The following SMYD3 variants were observed in gnomAD, a reference collection of about 807,000 sequenced individuals.
SMYD3 encodes the protein histone-lysine N-methyltransferase SMYD3.
In SMYD3, 36 loss-of-function variants were observed where a neutral mutation model predicts 57.7. The observed-to-expected ratio is 0.62, with a 90% CI of 0.48 to 0.82. The LOEUF (loss-of-function observed/expected upper bound fraction) is 0.82, where lower values mean the gene tolerates loss of function less well. Among genes scored for constraint, SMYD3 ranks in the 40% least tolerant of loss-of-function variants. The pLI, the probability that SMYD3 is intolerant of heterozygous loss-of-function variation, is 0.00. For missense variants in SMYD3, 515 were observed against 538.8 expected (o/e 0.96, Z 0.44); for synonymous variants, 211 against 195.0 (o/e 1.08, Z -0.68).
chr1:246,340,053 A>G (rs1393349447), intron 2 of SMYD3, among the ~76,000 whole-genome samples: 1 of 152,110 alleles, frequency 6.6e-6, no homozygotes, highest in Non-Finnish European at 1.5e-5. Context: ...AAAGTTGAAA[A>G]ACCACTGAGT....
chr1:245,830,893 A>AG (rs2049797740), intron 10 of SMYD3, among the ~76,000 whole-genome samples: 1 of 152,106 alleles, frequency 6.6e-6, no homozygotes, highest in Non-Finnish European at 1.5e-5. Flanking sequence ...GTTGAGTTTT[A>AG]GAATTGGCAT....
chr1:246,413,973 T>C (rs2067018073), intron 1 of SMYD3, among the ~76,000 whole-genome samples: 1 of 152,166 alleles, frequency 6.6e-6, no homozygotes, highest in African/African-American at 2.4e-5. Context: ...AAATATCTTC[T>C]TTTGATGGGC....
intron 10 of SMYD3, among the ~76,000 whole-genome samples, chr1:245,800,277 C>T (rs140238034): frequency 2.0e-5 from 3 of 152,282 alleles, no homozygotes; most frequent in Non-Finnish European, 4.4e-5. Flanking sequence ...TACCTAAAAG[C>T]AGGTCCTTCC....
intron 10 of SMYD3, among the ~76,000 whole-genome samples, chr1:245,775,541 C>T (rs982698962): frequency 2.7e-5 from 4 of 150,374 alleles, no homozygotes; most frequent in Non-Finnish European, 5.9e-5. Context: ...ATCACCACTC[C>T]CTAATCTCAA....
intron 10 of SMYD3, among the ~76,000 whole-genome samples, chr1:245,770,190 G>C (rs967372691): frequency 2.6e-5 from 4 of 152,228 alleles, no homozygotes; most frequent in Admixed American, 6.5e-5. Flanking sequence ...GAGGCAGCAA[G>C]ATCTTGAAAA....
chr1:246,082,965 G>T (rs1234356702), intron 5 of SMYD3, among the ~76,000 whole-genome samples: 1 of 146,246 alleles, frequency 6.8e-6, no homozygotes, highest in Non-Finnish European at 1.5e-5. Context: ...AGTACCCAGG[G>T]GCACAAACAC....
chr1:246,371,820 A>C (rs879647329), intron 1 of SMYD3, among the ~76,000 whole-genome samples: 17 of 152,214 alleles, frequency 1.1e-4, no homozygotes, highest in Non-Finnish European at 1.8e-4. Context: ...TGGGAAAATC[A>C]AAAGCTAAAT....
intron 5 of SMYD3, among the ~76,000 whole-genome samples, chr1:246,074,633 T>C (rs904397910): frequency 1.3e-5 from 2 of 152,216 alleles, no homozygotes; most frequent in African/African-American, 4.8e-5. Context: ...CCAGAAATTT[T>C]CTGGCTGTGC....
At chr1:246,058,788 G>A (rs1029455909) in intron 5 of SMYD3, among the ~76,000 whole-genome samples, 16 of 151,988 alleles carry the variant, frequency 1.1e-4, no homozygotes, top group African/African-American at 1.4e-4. Context: ...AAATTAAATA[G>A]TATAGAAGGA....
chr1:246,447,457 T>C (rs2067565555), intron 1 of SMYD3, among the ~76,000 whole-genome samples: 1 of 152,144 alleles, frequency 6.6e-6, no homozygotes, highest in Non-Finnish European at 1.5e-5. Context: ...AATACTGAAA[T>C]ATATTTGACA....
intron 7 of SMYD3, among the ~76,000 whole-genome samples, chr1:245,924,813 C>A (rs1355456390): frequency 1.3e-5 from 2 of 151,982 alleles, no homozygotes; most frequent in African/African-American, 4.8e-5. Flanking sequence ...CAGGTGTGCG[C>A]CACCACACCT....
At chr1:245,832,052 G>T (rs1469560397) in intron 10 of SMYD3, among the ~76,000 whole-genome samples, 2 of 152,144 alleles carry the variant, frequency 1.3e-5, no homozygotes, top group Non-Finnish European at 2.9e-5. Flanking sequence ...CGCTTTTTGG[G>T]CTTACTTTCT....
At chr1:246,198,456 T>C (rs1179765585) in intron 5 of SMYD3, among the ~76,000 whole-genome samples, 1 of 152,224 alleles carries the variant, frequency 6.6e-6, no homozygotes, top group African/African-American at 2.4e-5. Flanking sequence ...AGCAGTAAAA[T>C]GAATTTGATA....
In SMYD3 at chr1:245,825,035, G is replaced by GA. The variant is rs879535400; in HGVS notation, c.1076+33460dup. Among the ~76,000 whole-genome samples the GA allele has an allele frequency of 9.8e-4, 149 of 151,668 alleles. 1 individual carries two copies. The highest frequency in any genetic ancestry group is 1.6e-3 in the Non-Finnish European group (110 of 67,892). On this transcript the variant is annotated intron_variant, in intron 10 of 11. Coordinates refer to ENST00000490107, the MANE Select transcript of SMYD3 (RefSeq NM_001167740.2). Reference sequence around the variant, plus strand: ...AACAGAACAAGACTCTGTCTCAAAAGAAAAAAACCAAAACAAAACAGGAAA... The same window carrying GA: ...AACAGAACAAGACTCTGTCTCAAAAGAAAAAAAACCAAAACAAAACAGGAAA...
At chr1:246,238,923 T>A (rs1196418745) in intron 5 of SMYD3, among the ~76,000 whole-genome samples, 1 of 148,852 alleles carries the variant, frequency 6.7e-6, no homozygotes, top group East Asian at 2.1e-4. Context: ...GGGAAATTAC[T>A]TTTTACTTCA....
intron 5 of SMYD3, among the ~76,000 whole-genome samples, chr1:246,145,097 TA>T (rs1247888850): frequency 7.2e-5 from 11 of 152,210 alleles, no homozygotes. Flanking sequence ...TCAATCATAG[TA>T]AACTATAGCC....
In SMYD3 at chr1:246,151,860, G is replaced by C. The variant is rs547474247; in HGVS notation, c.531+175341C>G. On this transcript the variant is annotated intron_variant, in intron 5 of 11. Coordinates refer to ENST00000490107, the MANE Select transcript of SMYD3 (RefSeq NM_001167740.2). ...CAGTGACCTTCCTGTGGCAGGAGCCGAGATCTTCTGGAGAAAGTAATGGGA... is the reference window on the plus strand; with the variant it reads ...CAGTGACCTTCCTGTGGCAGGAGCCCAGATCTTCTGGAGAAAGTAATGGGA... 2.8e-4 allele frequency among the ~76,000 whole-genome samples: 42 copies of C among 152,284 alleles called. 1 individual carries two copies. The highest frequency in any genetic ancestry group is 9.9e-4 in the African/African-American group (41 of 41,560).
chr1:246,023,440 G>A (rs959723696), intron 5 of SMYD3, among the ~76,000 whole-genome samples: 1 of 152,176 alleles, frequency 6.6e-6, no homozygotes, highest in Non-Finnish European at 1.5e-5. Context: ...GTCTGAAAAT[G>A]ACCAAGTGTA....
intron 5 of SMYD3, among the ~76,000 whole-genome samples, chr1:246,022,682 T>C (rs2059494250): frequency 6.6e-6 from 1 of 152,212 alleles, no homozygotes; most frequent in Non-Finnish European, 1.5e-5. Flanking sequence ...TCCAGCAAAT[T>C]GTAGATGGGT....
Sources: allele counts gnomAD v4.1 joint callset (sites outside exome capture counted in the v4.1 genomes callset), GRCh38; gene constraint gnomAD v4.1.1; transcripts MANE v1.5; gene names NCBI Gene and HGNC (gene_info 2026-07-23, HGNC 2026-07-21).